Variants in APPBP2 observed in about 807,000 individuals in gnomAD.
APPBP2 encodes amyloid beta precursor protein binding protein 2.
A neutral mutation model predicts 76.0 loss-of-function variants in APPBP2; 15 were observed. The observed-to-expected ratio is 0.20, with a 90% CI of 0.13 to 0.30. The LOEUF (loss-of-function observed/expected upper bound fraction) is 0.30. APPBP2 is among the 10% of genes least tolerant of loss of function. The probability of loss-of-function intolerance (pLI) is 1.00; values close to 1 mark genes in which losing one functional copy is unlikely to be tolerated. For synonymous variants in APPBP2, 222 were observed against 242.2 expected, an observed-to-expected ratio of 0.92 and a Z score of 0.77; for missense variants, 401 against 687.2, an observed-to-expected ratio of 0.58 and a Z score of 4.66.
intron 2 of APPBP2, among the ~76,000 whole-genome samples, chr17:60,498,576 A>G (rs73328473): frequency 0.082 from 12,483 of 152,172 alleles, 1,693 homozygotes; most frequent in African/African-American, 0.28. Context: ...TCACATAATA[A>G]AACACCATAT....
intron 4 of APPBP2, among the ~76,000 whole-genome samples, chr17:60,474,318 C>T (rs745371096): frequency 1.2e-4 from 18 of 151,856 alleles, no homozygotes; most frequent in Non-Finnish European, 2.2e-4. Context: ...ATCACAGGCA[C>T]CCACCACCAT....
chr17:60,501,371 C>T (rs1395722387), intron 1 of APPBP2, among the ~76,000 whole-genome samples: 4 of 152,110 alleles, frequency 2.6e-5, no homozygotes, highest in Non-Finnish European at 5.9e-5. Context: ...TCCCTCCCTG[C>T]AACCCCGCCT....
intron 1 of APPBP2, among the ~76,000 whole-genome samples, chr17:60,507,231 T>A (rs2090875701): frequency 6.6e-6 from 1 of 151,766 alleles, no homozygotes; most frequent in Admixed American, 6.6e-5. Context: ...TTTTTCTTTT[T>A]TTTTTTTTGA....
At chr17:60,479,568 A>G (rs553404032) in intron 3 of APPBP2, among the ~76,000 whole-genome samples, 7 of 152,242 alleles carry the variant, frequency 4.6e-5, no homozygotes, top group East Asian at 3.9e-4. Context: ...TTATTTTACT[A>G]TTTTCATCTT....
intron 1 of APPBP2, among the ~76,000 whole-genome samples, chr17:60,508,938 G>A (rs1030723202): frequency 6.6e-5 from 10 of 152,134 alleles, no homozygotes; most frequent in African/African-American, 2.4e-4. Context: ...CAGGACAAAC[G>A]AATGTGTTTC....
chr17:60,454,857 G>A (rs553913232), intron 10 of APPBP2, among the ~76,000 whole-genome samples: 121 of 152,254 alleles, frequency 7.9e-4, no homozygotes, highest in African/African-American at 2.6e-3. Flanking sequence ...GAGTACCTAA[G>A]CACTTCTGAA....
At chr17:60,515,762 T>C (rs1409888702) in intron 1 of APPBP2, among the ~76,000 whole-genome samples, 4 of 152,268 alleles carry the variant, frequency 2.6e-5, no homozygotes, top group African/African-American at 9.6e-5. Flanking sequence ...TGCAATGCGC[T>C]ATACCAACTA....
intron 11 of APPBP2, 61 bp downstream of exon 11, chr17:60,454,238 TTTA>T (rs1397630227): frequency 1.6e-5 from 19 of 1,215,860 alleles, no homozygotes; most frequent in Non-Finnish European, 2.1e-5. Flanking sequence ...TTACTTAAAA[TTTA>T]TTATTTCAGG....
chr17:60,494,984 GTT>G (rs60043373), intron 2 of APPBP2, among the ~76,000 whole-genome samples: 7 of 107,026 alleles, frequency 6.5e-5, no homozygotes, highest in East Asian at 2.4e-4. Flanking sequence ...GTTTTGTTTT[GTT>G]TTTTTTTTTT....
chr17:60,471,166 A>C (rs1234714147), intron 4 of APPBP2, among the ~76,000 whole-genome samples: 1 of 152,058 alleles, frequency 6.6e-6, no homozygotes, highest in Admixed American at 6.6e-5. Context: ...CTTAATTGAC[A>C]TGTGATTTGC....
rs183498615 is a variant in APPBP2 at position 60,503,760 on chromosome 17, A to T, written c.139-3273T>A. Among the ~76,000 whole-genome samples the T allele has an allele frequency of 1.3e-3, 193 of 146,838 alleles. 25 individuals carry two copies. In the Middle Eastern group the frequency reaches 0.014, roughly 10 times the overall value. On this transcript the variant is annotated intron_variant, in intron 1 of 12. Coordinates refer to ENST00000083182, the MANE Select transcript of APPBP2 (RefSeq NM_006380.5). The stretch of plus-strand genomic sequence containing the variant: ...GAAAAAAAATAACTTCTAATCTTTT[A>T]TGTGTCAGGCACTGTTGTCAGTGCT...
At chr17:60,524,114 C>G (rs902910763) in intron 1 of APPBP2, among the ~76,000 whole-genome samples, 1 of 152,140 alleles carries the variant, frequency 6.6e-6, no homozygotes, top group Non-Finnish European at 1.5e-5. Context: ...CTATGTGAAA[C>G]AGAAATTCTA....
At chr17:60,479,645 TAGTA>T (rs2090614998) in intron 3 of APPBP2, among the ~76,000 whole-genome samples, 1 of 152,158 alleles carries the variant, frequency 6.6e-6, no homozygotes, top group Admixed American at 6.6e-5. Flanking sequence ...TGAATATACT[TAGTA>T]TAGCAGCACA....
chr17:60,507,033 T>A (rs546492649), intron 1 of APPBP2, among the ~76,000 whole-genome samples: 1 of 152,166 alleles, frequency 6.6e-6, no homozygotes, highest in Admixed American at 6.5e-5. Context: ...AGACTCCATC[T>A]CAAAAAAATA....
chr17:60,443,865 A>G lies in APPBP2; in HGVS notation c.*3716T>C, dbSNP rs2090322984. ...ATCCTAAAGCACACTCCTTCTGATTATCAACAGGGTAAAACCAGTTTTCTG... is the reference window on the plus strand; with the variant it reads ...ATCCTAAAGCACACTCCTTCTGATTGTCAACAGGGTAAAACCAGTTTTCTG... On this transcript the variant is annotated 3_prime_UTR_variant, in exon 13 of 13. Coordinates refer to ENST00000083182, the MANE Select transcript of APPBP2 (RefSeq NM_006380.5). The G allele has an allele frequency of 6.5e-6, 1 of 152,676 alleles. No individual in the cohort carries two copies. Among genetic ancestry groups the G allele is most frequent in the South Asian group, 2.1e-4 (1 of 4,830 alleles). 9.5% of individuals were successfully genotyped at this position (152,676 alleles called of 1,614,324 possible).
chr17:60,470,218 G>GT, intron 4 of APPBP2, among the ~76,000 whole-genome samples: 1 of 151,912 alleles, frequency 6.6e-6, no homozygotes, highest in East Asian at 1.9e-4. Flanking sequence ...GGTCTTTTGT[G>GT]TATCTTCCTT....
intron 1 of APPBP2, among the ~76,000 whole-genome samples, chr17:60,507,395 T>C (rs1206525403): frequency 6.6e-6 from 1 of 152,190 alleles, no homozygotes; most frequent in Admixed American, 6.5e-5. Context: ...CTAATTTTTA[T>C]ACTTTTAGTA....
intron 1 of APPBP2, among the ~76,000 whole-genome samples, chr17:60,519,778 ATTTTTTTT>A (rs748167583): frequency 8.5e-6 from 1 of 117,856 alleles, no homozygotes; most frequent in South Asian, 2.5e-4. Context: ...GCCAAATTTA[ATTTTTTTT>A]TTTTTTTTTT....
At chr17:60,504,009 T>C (rs2090844580) in intron 1 of APPBP2, among the ~76,000 whole-genome samples, 1 of 152,202 alleles carries the variant, frequency 6.6e-6, no homozygotes, top group African/African-American at 2.4e-5. Flanking sequence ...AAAATATTTT[T>C]ATAGAAATGA....
Sources: gnomAD v4.1 joint callset for allele counts (sites outside exome capture counted in the v4.1 genomes callset) on GRCh38, gnomAD v4.1.1 for gene constraint, MANE v1.5 for transcripts, NCBI Gene and HGNC (gene_info 2026-07-23, HGNC 2026-07-21) for gene names.